The following CCDC13 variants were observed in gnomAD, a reference collection of about 807,000 sequenced individuals.
CCDC13 encodes the protein coiled-coil domain containing 13, also known as coiled-coil domain-containing protein 13.
In CCDC13, 70 loss-of-function variants were observed where a neutral mutation model predicts 87.3. The observed-to-expected ratio is 0.80, with a 90% CI of 0.66 to 0.98. The LOEUF is 0.98. Among genes scored for constraint, CCDC13 ranks in the 50% least tolerant of loss-of-function variants. The pLI, the probability that CCDC13 is intolerant of heterozygous loss-of-function variation, is 0.00. For synonymous variants in CCDC13, 317 were observed against 360.3 expected, an observed-to-expected ratio of 0.88 and a Z score of 1.36; for missense variants, 842 against 892.0, an observed-to-expected ratio of 0.94 and a Z score of 0.71.
At chr3:42,714,064 A>C (rs1349648487) in intron 13 of CCDC13, 1 of 152,262 alleles carries the variant, frequency 6.6e-6, no homozygotes, top group Non-Finnish European at 1.5e-5. Flanking sequence ...ACCTTCTAGG[A>C]GCCACCTTGC....
At chr3:42,749,822 C>A (rs72865752) in intron 5 of CCDC13, 1 of 455,490 alleles carries the variant, frequency 2.2e-6, no homozygotes, top group Admixed American at 2.4e-5. Flanking sequence ...ACTCACATCA[C>A]GGCCTCCTGA....
In CCDC13 at chr3:42,752,597, C is replaced by T. The variant is rs747912716; in HGVS notation, c.491G>A (p.Arg164His). ...CACTTCCCGCTCCAGCTCCTGGATGCGATTGGTCAGCTGCTTCACCCTGGT... is the reference window on the plus strand; with the variant it reads ...CACTTCCCGCTCCAGCTCCTGGATGTGATTGGTCAGCTGCTTCACCCTGGT... ...AKTRVKQLTN[R>H]IQELERELQT... The change falls in exon 4 of 16, where the codon CGC becomes CAC. Residue 164 changes from arginine to histidine, a missense_variant. Transcript: ENST00000310232. 4.7e-5 allele frequency: 76 copies of T among 1,614,104 alleles called. 1 individual carries two copies. The highest frequency in any genetic ancestry group is 6.3e-5 in the Non-Finnish European group (74 of 1,180,052).
At position 42,741,936 on chromosome 3, in the gene CCDC13, G is replaced by A. The variant is rs115519522; in HGVS notation, c.987+960C>T. On this transcript the variant is annotated intron_variant, in intron 8 of 15. Transcript: ENST00000310232. ...TTCCTAACACAGGGCCTAACCCAGCGTTGGTGCTCACAGGCAAAAGTCTCC... is the reference window on the plus strand; with the variant it reads ...TTCCTAACACAGGGCCTAACCCAGCATTGGTGCTCACAGGCAAAAGTCTCC... Among the ~76,000 whole-genome samples, 1,319 of 152,290 alleles carry A rather than the reference G, an allele frequency of 8.7e-3. 11 individuals are homozygous for A. Among genetic ancestry groups the A allele is most frequent in the Non-Finnish European group, 0.014 (972 of 68,012 alleles).
At chr3:42,713,467 T>C (rs1173908302) in intron 13 of CCDC13, 151 bp from the exon 14 acceptor site, 1 of 737,010 alleles carries the variant, frequency 1.4e-6, no homozygotes, top group Non-Finnish European at 2.2e-6. Flanking sequence ...GGAACATGCA[T>C]TTAAACACCA....
At chr3:42,724,845 AAGG>A (rs539990416) in intron 13 of CCDC13, among the ~76,000 whole-genome samples, 31 of 152,264 alleles carry the variant, frequency 2.0e-4, no homozygotes, top group African/African-American at 7.5e-4. Flanking sequence ...ATACTCAGAT[AAGG>A]AGGTTTCCCC....
Position 42,742,960 on chromosome 3 carries a change from G to T in CCDC13, c.923C>A (p.Ser308Ter). The change falls in exon 8 of 16, where the codon TCG becomes TAG. Residue 308 changes from serine (S) to a stop codon, truncating the protein, a stop_gained. Transcript: ENST00000310232. LOFTEE classifies it high-confidence loss of function. ...CCTCAGCAGGTTTTTCTCCTGTGCC[G>T]ACAGCTTCCTTGGGTCTGGATAGAC... ...LSVYPDPRKL[S>*]AQEKNLLRIR... The T allele has an allele frequency of 6.2e-7, 1 of 1,614,072 alleles. No homozygotes were observed. Among genetic ancestry groups the T allele is most frequent in the Non-Finnish European group, 8.5e-7 (1 of 1,179,988 alleles).
At position 42,713,250 on chromosome 3, in the gene CCDC13, G is replaced by A. The variant is rs1559635930; in HGVS notation, c.1785C>T (p.Thr595=). 6.8e-6 allele frequency: 11 copies of A among 1,614,190 alleles called. No homozygotes were observed. Among genetic ancestry groups the A allele is most frequent in the South Asian group, 1.1e-5 (1 of 91,080 alleles). The part of the protein sequence containing the change: ...ERKLQEERHR[T]VVLEQHLEKI... Reference sequence around the variant, plus strand: ...TCTCCAGATGTTGCTCCAGCACCACGGTGCGGTGTCGCTCCTCCTGCAGCT... The same window carrying A: ...TCTCCAGATGTTGCTCCAGCACCACAGTGCGGTGTCGCTCCTCCTGCAGCT... The change falls in exon 14 of 16, where the codon ACC becomes ACT. Residue 595 remains threonine, a synonymous_variant. Coordinates refer to ENST00000310232, the MANE Select transcript of CCDC13 (RefSeq NM_144719.4).
intron 15 of CCDC13, 94 bp downstream of exon 15, chr3:42,709,590 A>T: frequency 9.7e-7 from 1 of 1,026,204 alleles, no homozygotes; most frequent in Admixed American, 1.8e-5. Context: ...CAAATGAGTC[A>T]AAAGTGCAAG....
At chr3:42,730,443 A>G in intron 13 of CCDC13, 24 bp downstream of exon 13, 1 of 1,609,328 alleles carries the variant, frequency 6.2e-7, no homozygotes. Context: ...CCTATGGGAG[A>G]GATCCCTGGG....
At chr3:42,724,626 C>T (rs1698645913) in intron 13 of CCDC13, among the ~76,000 whole-genome samples, 1 of 152,228 alleles carries the variant, frequency 6.6e-6, no homozygotes, top group East Asian at 1.9e-4. Flanking sequence ...GTTCTCCAAA[C>T]TCATGTTCAT....
rs976932747 is a variant in CCDC13, at chr3:42,752,676, C to T, written c.412G>A (p.Val138Met). 1.2e-6 allele frequency: 2 copies of T among 1,614,120 alleles called. No homozygotes were observed. The highest frequency in any genetic ancestry group is 1.7e-6 in the Non-Finnish European group (2 of 1,180,028). Residue 138 changes from valine (V) to methionine (M), a missense_variant, in exon 4 of 16, where the codon GTG (valine) becomes ATG (methionine). By Grantham distance (21) the Val-to-Met change is conservative. Transcript: ENST00000310232. ...AGCCGGTTCTTTTTTGATAGCTCCA[C>T]AATTTTGGTGGCGACCACGTCTCCG... ...VAGDVVATKI[V>M]ELSKKNRLLM...
chr3:42,723,516 G>A (rs1355002178), intron 13 of CCDC13, among the ~76,000 whole-genome samples: 2 of 152,098 alleles, frequency 1.3e-5, no homozygotes, highest in East Asian at 3.8e-4. Context: ...ATCGGGGGTG[G>A]GAATGTTAGA....
intron 3 of CCDC13, among the ~76,000 whole-genome samples, chr3:42,754,672 C>T (rs897299033): frequency 7.2e-5 from 11 of 152,218 alleles, no homozygotes; most frequent in African/African-American, 2.4e-4. Context: ...GGAAGGAAAC[C>T]GGACCTAGAA....
chr3:42,735,522 G>A (rs147289183), intron 10 of CCDC13, among the ~76,000 whole-genome samples, 185 bp downstream of exon 10: 231 of 152,310 alleles, frequency 1.5e-3, no homozygotes, highest in Middle Eastern at 6.8e-3. Flanking sequence ...ATTTTAAGTA[G>A]AGCAAGGACA....
At position 42,733,569 on chromosome 3, in the gene CCDC13, C is replaced by T. The variant is rs199503570; in HGVS notation, c.1412G>A (p.Arg471His). The T allele has an allele frequency of 3.9e-5, 63 of 1,613,232 alleles. No individual in the cohort carries two copies. The highest frequency in any genetic ancestry group is 4.8e-5 in the Non-Finnish European group (57 of 1,179,570). Residue 471 changes from arginine to histidine, a missense_variant, in exon 11 of 16, where the codon CGC becomes CAC. Arg to His is a conservative substitution (Grantham distance 29). Coordinates refer to ENST00000310232, the MANE Select transcript of CCDC13 (RefSeq NM_144719.4). ...CTGGGTATAGGCAGGGCTGACCTCGCGGCCACTGGACCCCTCACCCACTCC... is the reference window on the plus strand; with the variant it reads ...CTGGGTATAGGCAGGGCTGACCTCGTGGCCACTGGACCCCTCACCCACTCC... ...NKGVGEGSSG[R>H]EVSPAYTQFL...
At chr3:42,760,292 C>CAAAA (rs1283980618) in intron 1 of CCDC13, among the ~76,000 whole-genome samples, 108 of 144,766 alleles carry the variant, frequency 7.5e-4, no homozygotes, top group African/African-American at 2.6e-3. Context: ...ATTCTTGTCT[C>CAAAA]TAAATAAATA....
intron 4 of CCDC13, 42 bp from the exon 5 acceptor site, chr3:42,752,067 T>G: frequency 3.8e-6 from 6 of 1,561,564 alleles, no homozygotes; most frequent in Non-Finnish European, 5.2e-6. Flanking sequence ...GCTCAGCGAT[T>G]GTGCAGCCCA....
At chr3:42,709,824 T>C (rs1698262759) in intron 14 of CCDC13, 26 bp from the exon 15 acceptor site, 5 of 1,560,346 alleles carry the variant, frequency 3.2e-6, no homozygotes, top group Middle Eastern at 1.7e-4. Context: ...AACCACTTTC[T>C]GTGAGGAGGC....
chr3:42,735,699 C>T lies in CCDC13; in HGVS notation c.1371+8G>A, dbSNP rs1175351760. 6.2e-7 allele frequency: 1 copy of T among 1,613,580 alleles called. No individual in the cohort carries two copies. The highest frequency in any genetic ancestry group is 2.2e-5 in the East Asian group (1 of 44,874). ...AATGGGTTTGGGCGCTGCCAGTGCCCTACTCACGTGCACATTGAGTTGTCC... is the reference window on the plus strand; with the variant it reads ...AATGGGTTTGGGCGCTGCCAGTGCCTTACTCACGTGCACATTGAGTTGTCC... On this transcript the variant is annotated splice_region_variant and intron_variant, in intron 10 of 15. Transcript: ENST00000310232.
Sources: allele counts gnomAD v4.1 joint callset (sites outside exome capture counted in the v4.1 genomes callset), GRCh38; gene constraint gnomAD v4.1.1; transcripts MANE v1.5; gene names NCBI Gene and HGNC (gene_info 2026-07-23, HGNC 2026-07-21).